Variants in MBD5 observed in about 807,000 individuals in gnomAD.
MBD5 encodes the protein methyl-CpG binding domain protein 5.
Under a neutral mutation model 117.3 loss-of-function variants are expected in MBD5, and 13 were observed. The ratio of observed to expected loss-of-function variants is 0.11; its 90% confidence interval spans 0.07 to 0.18. The LOEUF is 0.18. Ranked by LOEUF, MBD5 falls within the 10% of genes least tolerant of loss-of-function variation. MBD5 has a pLI of 1.00. For synonymous variants in MBD5, 727 were observed against 766.4 expected (o/e 0.95, Z 0.85); for missense variants, 1,879 against 2,093.8 (o/e 0.90, Z 2.00).
chr2:148,243,089 C>G (rs1212631103), intron 3 of MBD5, among the ~76,000 whole-genome samples: 1 of 151,692 alleles, frequency 6.6e-6, no homozygotes, highest in Non-Finnish European at 1.5e-5. Context: ...AGATTCTGAT[C>G]TCTAATGCAT....
At position 148,144,580 on chromosome 2, in the gene MBD5, T is replaced by G. The variant is rs535090449; in HGVS notation, c.-924-34120T>G. Among the ~76,000 whole-genome samples, 671 of 152,206 alleles carry G rather than the reference T, an allele frequency of 4.4e-3. 3 individuals are homozygous for G. The highest frequency in any genetic ancestry group is 0.015 in the African/African-American group (631 of 41,536). Reference sequence around the variant, plus strand: ...TTCTTCTAGGGTTTTTATGGTTTTATGTCTAACATTTAAATCTTTAATCCA... The same window carrying G: ...TTCTTCTAGGGTTTTTATGGTTTTAGGTCTAACATTTAAATCTTTAATCCA... On this transcript the variant is annotated intron_variant, in intron 1 of 13. Transcript: ENST00000642680.
chr2:148,290,408 A>G (rs1574245724), intron 3 of MBD5, among the ~76,000 whole-genome samples: 1 of 152,220 alleles, frequency 6.6e-6, no homozygotes, highest in East Asian at 1.9e-4. Flanking sequence ...GAATTTCAGA[A>G]TAAAAAAGGA....
At chr2:148,109,967 C>T (rs148867986) in intron 1 of MBD5, among the ~76,000 whole-genome samples, 262 of 152,082 alleles carry the variant, frequency 1.7e-3, no homozygotes, top group African/African-American at 5.7e-3. Flanking sequence ...AATTATCCCC[C>T]GATGACCACA....
At chr2:148,080,118 T>G (rs1192609840) in intron 1 of MBD5, among the ~76,000 whole-genome samples, 1 of 152,094 alleles carries the variant, frequency 6.6e-6, no homozygotes, top group Non-Finnish European at 1.5e-5. Context: ...CAAAGGAAGT[T>G]TAGGATTAAG....
At chr2:148,251,237 T>C (rs1332998284) in intron 3 of MBD5, among the ~76,000 whole-genome samples, 1 of 152,226 alleles carries the variant, frequency 6.6e-6, no homozygotes, top group African/African-American at 2.4e-5. Context: ...AAATAAGGAC[T>C]TAGTTAACAT....
intron 4 of MBD5, among the ~76,000 whole-genome samples, chr2:148,399,285 G>A (rs911860264): frequency 9.2e-5 from 14 of 152,176 alleles, no homozygotes; most frequent in African/African-American, 3.4e-4. Context: ...CTATCCATGA[G>A]CATGGAATGT....
intron 1 of MBD5, among the ~76,000 whole-genome samples, chr2:148,109,547 AG>A (rs1420284543): frequency 6.6e-6 from 1 of 152,188 alleles, no homozygotes; most frequent in Non-Finnish European, 1.5e-5. Flanking sequence ...TACTAGAAAA[AG>A]AGATGATTGC....
chr2:148,205,801 G>A (rs906901916), intron 2 of MBD5, among the ~76,000 whole-genome samples: 4 of 152,066 alleles, frequency 2.6e-5, no homozygotes, highest in Non-Finnish European at 5.9e-5. Context: ...CAAGGCAGAC[G>A]TATCCCTTGA....
chr2:148,429,670 A>C (rs1473359373), intron 4 of MBD5, among the ~76,000 whole-genome samples: 1 of 152,184 alleles, frequency 6.6e-6, no homozygotes, highest in East Asian at 1.9e-4. Flanking sequence ...GCAGCCATGA[A>C]AAAAGATGAG....
chr2:148,300,345 G>A (rs544969293), intron 3 of MBD5, among the ~76,000 whole-genome samples: 10 of 152,218 alleles, frequency 6.6e-5, no homozygotes, highest in Admixed American at 2.0e-4. Flanking sequence ...GAGCCATTGC[G>A]CCCGGGCATG....
intron 4 of MBD5, among the ~76,000 whole-genome samples, chr2:148,376,621 A>G (rs1703995385): frequency 6.8e-6 from 1 of 148,074 alleles, no homozygotes. Context: ...TGAAGAAAAA[A>G]ATTGTCTTCA....
chr2:148,111,300 C>T (rs991842213), intron 1 of MBD5, among the ~76,000 whole-genome samples: 1 of 152,140 alleles, frequency 6.6e-6, no homozygotes, highest in African/African-American at 2.4e-5. Context: ...GAAAAGATGC[C>T]ACTTTTGTTT....
chr2:148,246,712 C>T (rs1026274794), intron 3 of MBD5, among the ~76,000 whole-genome samples: 2 of 124,704 alleles, frequency 1.6e-5, no homozygotes, highest in Non-Finnish European at 3.1e-5. Flanking sequence ...TGCAGTGAGC[C>T]GAAATTGCGC....
At chr2:148,404,127 G>GT (rs202097829) in intron 4 of MBD5, among the ~76,000 whole-genome samples, 18,656 of 144,890 alleles carry the variant, frequency 0.13, 1,492 homozygotes, top group Non-Finnish European at 0.19. Context: ...AGCATTATGG[G>GT]TTTTTTTTTT....
Position 148,333,692 on chromosome 2 carries a change from AT to A in MBD5, c.-679-8521del, listed in dbSNP as rs1179114083. Among the ~76,000 whole-genome samples, 149 of 149,916 alleles carry A rather than the reference AT, an allele frequency of 9.9e-4. 1 individual carries two copies. Among genetic ancestry groups the A allele is most frequent in the African/African-American group, 2.9e-3 (117 of 40,644 alleles). On this transcript the variant is annotated intron_variant, in intron 3 of 13. Coordinates refer to ENST00000642680, the MANE Select transcript of MBD5 (RefSeq NM_001378120.1). Reference sequence around the variant, plus strand: ...CCCTGTCTCTGCTGAAAAAAAAAAAATAAATAAATACAAAAATTAGCCAGGT... The same window carrying A: ...CCCTGTCTCTGCTGAAAAAAAAAAAAAAATAAATACAAAAATTAGCCAGGT...
chr2:148,420,056 A>T (rs1279815059), intron 4 of MBD5, among the ~76,000 whole-genome samples: 1 of 152,200 alleles, frequency 6.6e-6, no homozygotes, highest in East Asian at 1.9e-4. Flanking sequence ...CAAAAGTGAA[A>T]TATCCCATTA....
At chr2:148,106,127 TTA>T in intron 1 of MBD5, among the ~76,000 whole-genome samples, 1 of 152,004 alleles carries the variant, frequency 6.6e-6, no homozygotes, top group South Asian at 2.1e-4. Context: ...TGATGCAGTT[TTA>T]TATATATGTC....
At chr2:148,229,927 T>C (rs927095156) in intron 2 of MBD5, among the ~76,000 whole-genome samples, 2 of 152,274 alleles carry the variant, frequency 1.3e-5, no homozygotes, top group African/African-American at 4.8e-5. Context: ...TTCTAGGCCA[T>C]CTGGAGCTGG....
At chr2:148,172,790 T>C (rs955227287) in intron 1 of MBD5, among the ~76,000 whole-genome samples, 12 of 152,010 alleles carry the variant, frequency 7.9e-5, no homozygotes, top group African/African-American at 2.9e-4. Context: ...CTGGACTCAG[T>C]CAGACTCATA....
Sources: allele counts gnomAD v4.1 joint callset (sites outside exome capture counted in the v4.1 genomes callset), GRCh38; gene constraint gnomAD v4.1.1; transcripts MANE v1.5; gene names NCBI Gene and HGNC (gene_info 2026-07-23, HGNC 2026-07-21).